PIK3R5: variants seen among roughly 807,000 people sequenced by gnomAD.
The protein encoded by PIK3R5 is phosphoinositide-3-kinase regulatory subunit 5.
Under a neutral mutation model 94.9 loss-of-function variants are expected in PIK3R5, and 32 were observed. The observed-to-expected ratio is 0.34, with a 90% CI of 0.25 to 0.45. The LOEUF is 0.45. PIK3R5 is among the 20% of genes least tolerant of loss of function. PIK3R5 has a pLI of 1.00. For missense variants in PIK3R5, 853 were observed against 1,144.6 expected, an observed-to-expected ratio of 0.75 and a Z score of 3.68; for synonymous variants, 443 against 479.4, an observed-to-expected ratio of 0.92 and a Z score of 0.99.
At chr17:8,957,002 C>T (rs183204885) in intron 1 of PIK3R5, among the ~76,000 whole-genome samples, 49 of 152,278 alleles carry the variant, frequency 3.2e-4, no homozygotes, top group Admixed American at 2.7e-3. Context: ...CTGCGGAGAA[C>T]GGGCTGTGAA....
At chr17:8,910,278 T>C (rs2090494771) in intron 2 of PIK3R5, among the ~76,000 whole-genome samples, 1 of 152,220 alleles carries the variant, frequency 6.6e-6, no homozygotes. Flanking sequence ...CTTCTAACAA[T>C]GTGTCCATGT....
At chr17:8,956,513 G>A (rs1314402085) in intron 1 of PIK3R5, among the ~76,000 whole-genome samples, 6 of 152,188 alleles carry the variant, frequency 3.9e-5, no homozygotes, top group Non-Finnish European at 8.8e-5. Flanking sequence ...TGGTCCAGGA[G>A]GAAACAGACT....
Position 8,904,873 on chromosome 17 carries a change from C to T in PIK3R5, c.316G>A (p.Ala106Thr), listed in dbSNP as rs777339451. 2.5e-6 allele frequency: 4 copies of T among 1,613,922 alleles called. No homozygotes were observed. The highest frequency in any genetic ancestry group is 3.4e-6 in the Non-Finnish European group (4 of 1,180,032). Residue 106 changes from alanine to threonine, a missense_variant, in exon 5 of 19, where the codon GCC (alanine) becomes ACC (threonine). Coordinates refer to ENST00000447110, the MANE Select transcript of PIK3R5 (RefSeq NM_001142633.3). This position sits in a 1 kb window ranked among gnomAD's most constrained non-coding sequence, Gnocchi z 5.1. ...PPDSDLLLKA[A>T]STYHRFLTWP... ...GTCAGGAACCGGTGGTAGGTGCTGGCTGCCTTCAGAAGGAGATCCGAGTCT... is the reference window on the plus strand; with the variant it reads ...GTCAGGAACCGGTGGTAGGTGCTGGTTGCCTTCAGAAGGAGATCCGAGTCT...
chr17:8,891,746 G>A lies in PIK3R5; in HGVS notation c.483-834C>T, dbSNP rs1392051400. Among the ~76,000 whole-genome samples, 4 of 150,982 alleles carry A rather than the reference G, an allele frequency of 2.6e-5. No homozygotes were observed. The East Asian group carries it at 5.8e-4, about 22-fold the overall frequency. ...CAAATAGCTGGGACTACAGGCACCC[G>A]CCACCACGCCCAGCTAACTTTTTTT... On this transcript the variant is annotated intron_variant, in intron 6 of 18. Coordinates refer to ENST00000447110, the MANE Select transcript of PIK3R5 (RefSeq NM_001142633.3).
At chr17:8,914,202 G>A (rs2090587949) in intron 1 of PIK3R5, among the ~76,000 whole-genome samples, 1 of 152,140 alleles carries the variant, frequency 6.6e-6, no homozygotes, top group African/African-American at 2.4e-5. Context: ...GTTCTTGGAG[G>A]GAGCTCAGAG....
intron 6 of PIK3R5, among the ~76,000 whole-genome samples, chr17:8,891,638 C>G (rs59477456): frequency 0.033 from 5,008 of 151,032 alleles, 288 homozygotes; most frequent in African/African-American, 0.12. Context: ...TTCTTGTCAC[C>G]CAGGCTGGAG....
chr17:8,901,206 T>C (rs1159300107), intron 5 of PIK3R5, among the ~76,000 whole-genome samples: 1 of 152,186 alleles, frequency 6.6e-6, no homozygotes, highest in East Asian at 1.9e-4. Context: ...AACTGGTTTG[T>C]TCCTTTCCTT....
chr17:8,915,712 T>G (rs1310416840), intron 1 of PIK3R5: 1 of 152,348 alleles, frequency 6.6e-6, no homozygotes, highest in East Asian at 1.9e-4. Context: ...GGTTATGCCA[T>G]GAAGCAGGAG....
At chr17:8,905,552 G>T in intron 4 of PIK3R5, 117 bp downstream of exon 4, 1 of 652,224 alleles carries the variant, frequency 1.5e-6, no homozygotes, top group Non-Finnish European at 2.5e-6. Context: ...TTCACATGCC[G>T]CTGCTTGACA....
At position 8,884,604 on chromosome 17, in the gene PIK3R5, C is replaced by A. The variant is rs752663742; in HGVS notation, c.2205+103G>T. ...CTGCTGCAGCCTTCCAGCGTAAAGACTGGGGCCCAGGAACACACGAGTCCA... is the reference window on the plus strand; with the variant it reads ...CTGCTGCAGCCTTCCAGCGTAAAGAATGGGGCCCAGGAACACACGAGTCCA... On this transcript the variant is annotated intron_variant, in intron 15 of 18. Coordinates refer to ENST00000447110, the MANE Select transcript of PIK3R5 (RefSeq NM_001142633.3). The surrounding 1 kb of genome is among the most constrained non-coding windows in gnomAD (Gnocchi z 5.8). 12 of 884,062 alleles carry A rather than the reference C, an allele frequency of 1.4e-5. No homozygotes were observed. Among genetic ancestry groups the A allele is most frequent in the Non-Finnish European group, 2.2e-5 (12 of 543,644 alleles). The allele number at this position is 884,062 out of a possible 1,614,324, so 54.8% of individuals were successfully genotyped here.
intron 1 of PIK3R5, among the ~76,000 whole-genome samples, chr17:8,913,524 TC>T (rs1306058691): frequency 0.012 from 1,850 of 152,218 alleles, 34 homozygotes; most frequent in African/African-American, 0.042. Flanking sequence ...CTGGCCAACA[TC>T]TTGAAACCCC....
rs1323640234 is a variant in PIK3R5 at position 8,888,040 on chromosome 17, AT to A, written c.1616+130del. 12 of 254,816 alleles carry A rather than the reference AT, an allele frequency of 4.7e-5. 1 individual carries two copies. Among genetic ancestry groups the A allele is most frequent in the African/African-American group, 1.7e-4 (7 of 40,180 alleles). 15.8% of individuals were successfully genotyped at this position (254,816 alleles called of 1,614,324 possible). ...AATAATAATAATAATAATAATAATA[AT>A]AATAATAAAATAAAAATAAATAAGG... On this transcript the variant is annotated intron_variant, in intron 10 of 18. Transcript: ENST00000447110. The surrounding 1 kb of genome is among the most constrained non-coding windows in gnomAD (Gnocchi z 7.8).
chr17:8,957,339 C>T (rs1056311568), intron 1 of PIK3R5, among the ~76,000 whole-genome samples: 26 of 152,282 alleles, frequency 1.7e-4, no homozygotes, highest in African/African-American at 4.1e-4. Context: ...GAGCTGGAGT[C>T]TATTTTCTTA....
chr17:8,898,259 C>G (rs1198495083), intron 5 of PIK3R5, among the ~76,000 whole-genome samples: 1 of 152,226 alleles, frequency 6.6e-6, no homozygotes, highest in East Asian at 1.9e-4. Flanking sequence ...TCACCTGCCA[C>G]CCGCTGATAA....
At position 8,925,533 on chromosome 17, in the gene PIK3R5, GTAGA is replaced by G. The variant is rs796100320; in HGVS notation, c.-13-14030_-13-14027del. 5.7e-3 allele frequency among the ~76,000 whole-genome samples: 862 copies of G among 150,738 alleles called. 19 individuals carry two copies. The highest frequency in any genetic ancestry group is 0.02 in the African/African-American group (803 of 40,322). ...TAGTAGATGGATAGATAGATAGATA[GTAGA>G]TAGATAGTAGATGGATAGATAGATA... is the stretch of plus-strand genomic sequence containing the variant. On this transcript the variant is annotated intron_variant, in intron 1 of 18. Coordinates refer to ENST00000447110, the MANE Select transcript of PIK3R5 (RefSeq NM_001142633.3). The surrounding 1 kb of genome is among the most constrained non-coding windows in gnomAD (Gnocchi z 5.1).
At position 8,880,495 on chromosome 17, in the gene PIK3R5, C is replaced by T. The variant is rs972990555; in HGVS notation, c.*144G>A. 2.5e-6 allele frequency: 2 copies of T among 808,750 alleles called. No individual in the cohort carries two copies. The highest frequency in any genetic ancestry group is 3.6e-6 in the Non-Finnish European group (2 of 551,094). The allele number at this position is 808,750 out of a possible 1,614,324, so 50.1% of individuals were successfully genotyped here. A position where few individuals can be genotyped will look rare whatever the true frequency, so the allele number is the denominator to read the frequency against. Reference sequence around the variant, plus strand: ...CCTGAGGCCCCAGAAACCCTCTACTCCCAGCCCCTGCTCATTGCAGGACCC... The same window carrying T: ...CCTGAGGCCCCAGAAACCCTCTACTTCCAGCCCCTGCTCATTGCAGGACCC... On this transcript the variant is annotated 3_prime_UTR_variant, in exon 19 of 19. Transcript: ENST00000447110.
chr17:8,964,060 C>A (rs1291637566), intron 1 of PIK3R5, among the ~76,000 whole-genome samples: 1 of 152,154 alleles, frequency 6.6e-6, no homozygotes, highest in Non-Finnish European at 1.5e-5. Context: ...GAGCATCTCC[C>A]ACGTGCAGCC....
chr17:8,900,028 A>G lies in PIK3R5; in HGVS notation c.412+4749T>C, dbSNP rs1188921213. 5.9e-5 allele frequency among the ~76,000 whole-genome samples: 9 copies of G among 151,694 alleles called. No homozygotes were observed. In the East Asian group the frequency reaches 1.7e-3, roughly 29 times the overall value. ...ATTCCAGCCTGGGTGACAGAGCGAG[A>G]TTCCATCTTAAAAAAAAAAAAATCG... On this transcript the variant is annotated intron_variant, in intron 5 of 18. Transcript: ENST00000447110.
At chr17:8,951,611 T>C (rs996655538) in intron 1 of PIK3R5, among the ~76,000 whole-genome samples, 1 of 152,242 alleles carries the variant, frequency 6.6e-6, no homozygotes, top group African/African-American at 2.4e-5. Context: ...AATATTCAAT[T>C]GAATGTATAT....
Sources: gnomAD v4.1 joint callset for allele counts (sites outside exome capture counted in the v4.1 genomes callset) on GRCh38, gnomAD v4.1.1 for gene constraint, Gnocchi (gnomAD v3.1) non-coding constraint, MANE v1.5 for transcripts, NCBI Gene and HGNC (gene_info 2026-07-23, HGNC 2026-07-21) for gene names.